WDFY4: variants seen among roughly 807,000 people sequenced by gnomAD.
WDFY4 encodes WDFY family member 4, also known as WD repeat- and FYVE domain-containing protein 4.
A neutral mutation model predicts 351.9 loss-of-function variants in WDFY4; 169 were observed. That is an observed-to-expected ratio of 0.48 (90% CI 0.42 to 0.55). The LOEUF is 0.55. Among genes scored for constraint, WDFY4 ranks in the 20% least tolerant of loss-of-function variants. The probability of loss-of-function intolerance (pLI) is 0.00; values close to 1 mark genes in which losing one functional copy is unlikely to be tolerated. For missense variants in WDFY4, 3,803 were observed against 3,935.6 expected, an observed-to-expected ratio of 0.97 and a Z score of 0.90; for synonymous variants, 1,622 against 1,574.6, an observed-to-expected ratio of 1.03 and a Z score of -0.71.
At chr10:48,932,895 G>A (rs1840107729) in intron 47 of WDFY4, among the ~76,000 whole-genome samples, 1 of 152,184 alleles carries the variant, frequency 6.6e-6, no homozygotes, top group South Asian at 2.1e-4. Flanking sequence ...AGAACTGACA[G>A]GAAGAGGGTG....
chr10:48,745,538 T>C (rs763953630), intron 12 of WDFY4: 7 of 369,134 alleles, frequency 1.9e-5, no homozygotes, highest in African/African-American at 4.3e-5. Context: ...CAGGCCTTAT[T>C]GGGCTCATGG....
At chr10:48,839,400 T>A (rs2068518919) in intron 39 of WDFY4, among the ~76,000 whole-genome samples, 1 of 152,230 alleles carries the variant, frequency 6.6e-6, no homozygotes, top group African/African-American at 2.4e-5. Flanking sequence ...CAACATAATG[T>A]TCGTGGGAAA....
chr10:48,733,172 G>C (rs1474561110), intron 9 of WDFY4, among the ~76,000 whole-genome samples: 1 of 152,156 alleles, frequency 6.6e-6, no homozygotes, highest in African/African-American at 2.4e-5. Context: ...CCAGACCCAT[G>C]ACCACTCCTA....
At chr10:48,840,504 C>G (rs184848488) in intron 39 of WDFY4, among the ~76,000 whole-genome samples, 1,602 of 151,954 alleles carry the variant, frequency 0.011, 28 homozygotes, top group African/African-American at 0.037. Context: ...CTCACACACA[C>G]ACACGTGTAT....
chr10:48,880,120 G>A (rs943942272), intron 43 of WDFY4, among the ~76,000 whole-genome samples: 4 of 152,104 alleles, frequency 2.6e-5, no homozygotes, highest in Non-Finnish European at 5.9e-5. Context: ...CAGGTCCTTG[G>A]CCTCCTAGGA....
At chr10:48,721,566 G>C (rs1288819194) in intron 4 of WDFY4, among the ~76,000 whole-genome samples, 199 bp downstream of exon 4, 1 of 152,222 alleles carries the variant, frequency 6.6e-6, no homozygotes, top group East Asian at 1.9e-4. Flanking sequence ...TTGACAAGCT[G>C]TGTGTAACTG....
chr10:48,952,264 C>A (rs1841363763), intron 51 of WDFY4, among the ~76,000 whole-genome samples: 1 of 152,214 alleles, frequency 6.6e-6, no homozygotes, highest in African/African-American at 2.4e-5. Context: ...CTGAGGCAAG[C>A]AACCCACCTC....
At chr10:48,884,725 G>GT (rs539398113) in intron 43 of WDFY4, among the ~76,000 whole-genome samples, 5,584 of 152,140 alleles carry the variant, frequency 0.037, 343 homozygotes, top group African/African-American at 0.13. Context: ...CTCCTCCCCT[G>GT]TTTTTTTATC....
chr10:48,967,718 C>G (rs1842147431), intron 55 of WDFY4: 1 of 152,260 alleles, frequency 6.6e-6, no homozygotes, highest in Admixed American at 6.5e-5. Flanking sequence ...GTTCCTAGGG[C>G]CATGTATGTA....
intron 39 of WDFY4, among the ~76,000 whole-genome samples, chr10:48,858,057 G>A (rs2069201208): frequency 6.6e-6 from 1 of 152,164 alleles, no homozygotes; most frequent in African/African-American, 2.4e-5. Flanking sequence ...GCCTCCCAAA[G>A]TGCTGAGATT....
intron 39 of WDFY4, among the ~76,000 whole-genome samples, chr10:48,855,215 G>C (rs2133196361): frequency 6.6e-6 from 1 of 152,086 alleles, no homozygotes; most frequent in South Asian, 2.1e-4. Flanking sequence ...GGAAAAAGTG[G>C]ATCATAAATA....
chr10:48,756,282 A>C (rs1304403591), intron 12 of WDFY4, among the ~76,000 whole-genome samples: 1 of 152,048 alleles, frequency 6.6e-6, no homozygotes, highest in Non-Finnish European at 1.5e-5. Flanking sequence ...ACACACTTCC[A>C]AAGGGTATTT....
At chr10:48,852,741 G>A (rs1483013269) in intron 39 of WDFY4, among the ~76,000 whole-genome samples, 1 of 152,154 alleles carries the variant, frequency 6.6e-6, no homozygotes, top group East Asian at 1.9e-4. Flanking sequence ...GGCCTGAACA[G>A]CCTCTCCCGT....
At chr10:48,782,229 T>A (rs2066250604) in intron 19 of WDFY4, among the ~76,000 whole-genome samples, 1 of 152,280 alleles carries the variant, frequency 6.6e-6, no homozygotes, top group South Asian at 2.1e-4. Flanking sequence ...TTTGTTTTTA[T>A]CTGTTTAGGC....
intron 43 of WDFY4, among the ~76,000 whole-genome samples, chr10:48,879,236 C>A (rs1027532172): frequency 2.0e-5 from 3 of 152,242 alleles, no homozygotes; most frequent in Non-Finnish European, 4.4e-5. Flanking sequence ...CCACAAGGAA[C>A]CCTTGCCAAT....
chr10:48,790,932 C>T lies in WDFY4; in HGVS notation c.4257+15C>T. The stretch of plus-strand genomic sequence containing the variant: ...GTGGGTACCAGGTAATCCCATCCTC[C>T]CACCTGGAACTGAGACTCCTGAAAG... On this transcript the variant is annotated intron_variant, in intron 23 of 61. Coordinates refer to ENST00000325239, the MANE Select transcript of WDFY4 (RefSeq NM_001394531.1). 2.6e-6 allele frequency: 4 copies of T among 1,551,190 alleles called. No homozygotes were observed. Among genetic ancestry groups the T allele is most frequent in the Non-Finnish European group, 3.5e-6 (4 of 1,146,602 alleles).
At chr10:48,773,076 A>G (rs1040823365) in intron 13 of WDFY4, among the ~76,000 whole-genome samples, 1 of 152,218 alleles carries the variant, frequency 6.6e-6, no homozygotes, top group African/African-American at 2.4e-5. Context: ...AGAGAAATGC[A>G]AATCAAAACC....
At chr10:48,975,864 G>GGAAA (rs1462174101) in intron 58 of WDFY4, among the ~76,000 whole-genome samples, 1 of 152,132 alleles carries the variant, frequency 6.6e-6, no homozygotes, top group Non-Finnish European at 1.5e-5. Flanking sequence ...ATAGGTGGAT[G>GGAAA]GAAAGATGGA....
rs779105530 is a variant in WDFY4 at position 48,976,799 on chromosome 10, C to T, written c.9111C>T (p.Gly3037=). 15 of 1,443,982 alleles carry T rather than the reference C, an allele frequency of 1.0e-5. No homozygotes were observed. The allele number at this position is 1,443,982 out of a possible 1,614,324, so 89.4% of individuals were successfully genotyped here. A position where few individuals can be genotyped will look rare whatever the true frequency, so the allele number is the denominator to read the frequency against. ...TGATGCCAGCTCTCACTGCACAGGG[C>T]ACCATTGTCTCCTGTGCGGGAGCAC... ...ISAITISDVS[G]TIVSCAGAHL... is the part of the protein sequence containing the mutation. Residue 3037 remains glycine, a splice_region_variant and synonymous_variant, in exon 59 of 62, where the codon GGC becomes GGT. Coordinates refer to ENST00000325239, the MANE Select transcript of WDFY4 (RefSeq NM_001394531.1).
Sources: gnomAD v4.1 joint callset for allele counts (sites outside exome capture counted in the v4.1 genomes callset) on GRCh38, gnomAD v4.1.1 for gene constraint, MANE v1.5 for transcripts, NCBI Gene and HGNC (gene_info 2026-07-23, HGNC 2026-07-21) for gene names.